Variants in AKAP19 observed in about 807,000 individuals in gnomAD.
AKAP19 encodes A-kinase anchoring protein 19, also known as small A-kinase anchoring protein.
the AKAP19 span, among the ~76,000 whole-genome samples, chr2:189,884,582 T>C: frequency 2.6e-5 from 4 of 152,202 alleles, no homozygotes; most frequent in African/African-American, 9.6e-5. Context: ...TGTCAAAGAC[T>C]TTATTGAAGC....
chr2:190,106,044 T>G, the AKAP19 span, among the ~76,000 whole-genome samples: 17 of 152,238 alleles, frequency 1.1e-4, no homozygotes, highest in Non-Finnish European at 2.1e-4. Flanking sequence ...ATTGCAATTT[T>G]CATATTGTGT....
the AKAP19 span, among the ~76,000 whole-genome samples, chr2:189,957,430 G>A: frequency 6.6e-6 from 1 of 152,070 alleles, no homozygotes. Flanking sequence ...TAAGACATAA[G>A]TTATAGAAAA....
chr2:189,898,200 GA>G, the AKAP19 span, among the ~76,000 whole-genome samples: 151 of 133,816 alleles, frequency 1.1e-3, no homozygotes, highest in East Asian at 6.4e-3. Flanking sequence ...TCCAAAAAAT[GA>G]AAAAAAAAAA....
chr2:189,940,718 C>T, the AKAP19 span, among the ~76,000 whole-genome samples: 1 of 151,642 alleles, frequency 6.6e-6, no homozygotes, highest in East Asian at 2.0e-4. Context: ...GATGAAACCC[C>T]ACCTACACTA....
chr2:189,948,035 G>A, the AKAP19 span, among the ~76,000 whole-genome samples: 1 of 152,066 alleles, frequency 6.6e-6, no homozygotes, highest in African/African-American at 2.4e-5. Context: ...AATATTTAAC[G>A]TATAATAAGT....
the AKAP19 span, among the ~76,000 whole-genome samples, chr2:190,099,076 C>CA: frequency 3.3e-5 from 5 of 152,270 alleles, no homozygotes; most frequent in South Asian, 1.0e-3. Flanking sequence ...TCCATATTGG[C>CA]AAAAAGGCTG....
At chr2:190,165,751 TTA>T in the AKAP19 span, among the ~76,000 whole-genome samples, 1 of 152,182 alleles carries the variant, frequency 6.6e-6, no homozygotes, top group African/African-American at 2.4e-5. Flanking sequence ...TGAACAGTAT[TTA>T]TGTTAGATGA....
At chr2:189,900,623 T>G in the AKAP19 span, among the ~76,000 whole-genome samples, 1 of 152,184 alleles carries the variant, frequency 6.6e-6, no homozygotes, top group African/African-American at 2.4e-5. Context: ...TTTTTTCTGT[T>G]TAGAGTGTCA....
the AKAP19 span, among the ~76,000 whole-genome samples, chr2:190,044,539 C>A: frequency 6.6e-6 from 1 of 152,146 alleles, no homozygotes; most frequent in Non-Finnish European, 1.5e-5. Context: ...AGCAAAGAGG[C>A]TTTTAGTTGC....
At chr2:190,169,019 G>A in the AKAP19 span, among the ~76,000 whole-genome samples, 1 of 152,130 alleles carries the variant, frequency 6.6e-6, no homozygotes, top group South Asian at 2.1e-4. Context: ...TACTGTGTTA[G>A]TCCTTTTATG....
chr2:189,998,251 G>T, the AKAP19 span, among the ~76,000 whole-genome samples: 1 of 152,098 alleles, frequency 6.6e-6, no homozygotes, highest in East Asian at 1.9e-4. Context: ...AAAAGTCCAT[G>T]GTGTCAGTCT....
chr2:189,952,463 C>T, the AKAP19 span, among the ~76,000 whole-genome samples: 10 of 151,774 alleles, frequency 6.6e-5, no homozygotes, highest in Non-Finnish European at 1.2e-4. Flanking sequence ...GTACCTAGAT[C>T]TTAGAAATAG....
the AKAP19 span, among the ~76,000 whole-genome samples, chr2:189,922,257 G>C: frequency 6.6e-6 from 1 of 152,226 alleles, no homozygotes. Context: ...TTTTGTTAAA[G>C]TGTTGGCTTT....
At chr2:190,143,368 C>G in the AKAP19 span, among the ~76,000 whole-genome samples, 65 of 151,960 alleles carry the variant, frequency 4.3e-4, no homozygotes, top group Non-Finnish European at 7.9e-4. Context: ...TGAAATGTCC[C>G]CTCTTTCCAG....
chr2:189,881,420 G>C, the AKAP19 span, among the ~76,000 whole-genome samples: 1 of 152,128 alleles, frequency 6.6e-6, no homozygotes, highest in Non-Finnish European at 1.5e-5. Context: ...TATTAGGAAA[G>C]CTCATTTTAG....
chr2:190,140,458 A>G, the AKAP19 span, among the ~76,000 whole-genome samples: 1 of 152,164 alleles, frequency 6.6e-6, no homozygotes, highest in South Asian at 2.1e-4. Flanking sequence ...CTGCTTGGAC[A>G]TCCAGGCATC....
At chr2:190,170,625 G>C in the AKAP19 span, among the ~76,000 whole-genome samples, 1 of 152,048 alleles carries the variant, frequency 6.6e-6, no homozygotes, top group Non-Finnish European at 1.5e-5. Context: ...ATGTCATATT[G>C]ATGGGTTTTA....
the AKAP19 span, among the ~76,000 whole-genome samples, chr2:189,907,078 C>G: frequency 6.6e-6 from 1 of 152,072 alleles, no homozygotes; most frequent in Non-Finnish European, 1.5e-5. Flanking sequence ...CTTTTGCTTC[C>G]TTCTATTCCA....
the AKAP19 span, among the ~76,000 whole-genome samples, chr2:190,194,989 A>T: frequency 0.029 from 4,424 of 152,084 alleles, 130 homozygotes; most frequent in East Asian, 0.11. Context: ...TGAGTAGTTA[A>T]AACTGTAGGT....
Sources: allele counts gnomAD v4.1 joint callset (sites outside exome capture counted in the v4.1 genomes callset), GRCh38; gene constraint gnomAD v4.1.1; transcripts MANE v1.5; gene names NCBI Gene and HGNC (gene_info 2026-07-23, HGNC 2026-07-21).